KCNA3: variants seen among roughly 807,000 people sequenced by gnomAD.
KCNA3 encodes the protein potassium voltage-gated channel subfamily A member 3.
A neutral mutation model predicts 34.3 loss-of-function variants in KCNA3; 18 were observed. That is an observed-to-expected ratio of 0.52 (90% CI 0.36 to 0.78). KCNA3 has a LOEUF of 0.78. Ranked by LOEUF, KCNA3 falls within the 30% of genes least tolerant of loss-of-function variation. The pLI is 0.00. For synonymous variants in KCNA3, 324 were observed against 351.7 expected, an observed-to-expected ratio of 0.92 and a Z score of 0.88; for missense variants, 587 against 802.5, an observed-to-expected ratio of 0.73 and a Z score of 3.24.
the KCNA3 span, among the ~76,000 whole-genome samples, chr1:110,661,897 A>T: frequency 6.6e-6 from 1 of 152,092 alleles, no homozygotes; most frequent in African/African-American, 2.4e-5. Context: ...TCACGAGGTC[A>T]GGAGATCGAG....
downstream of KCNA3, among the ~76,000 whole-genome samples, chr1:110,667,692 G>T (rs1410284234): frequency 6.6e-6 from 1 of 151,848 alleles, no homozygotes; most frequent in Non-Finnish European, 1.5e-5. Flanking sequence ...TAAAACAGAA[G>T]AAAACACACA....
At chr1:110,665,716 AAATAAGATT>A in the KCNA3 span, among the ~76,000 whole-genome samples, 7 of 152,214 alleles carry the variant, frequency 4.6e-5, no homozygotes, top group Non-Finnish European at 1.0e-4. Flanking sequence ...AAGAACCAGT[AAATAAGATT>A]AAGAAGGAGA....
rs767302571 is a variant in KCNA3 at position 110,674,339 on chromosome 1, G to T, written c.471C>A (p.Asp157Glu). 1 of 1,614,196 alleles carries T rather than the reference G, an allele frequency of 6.2e-7. No individual in the cohort carries two copies. The highest frequency in any genetic ancestry group is 8.5e-7 in the Non-Finnish European group (1 of 1,180,016). Residue 157 changes from aspartate (D) to glutamate (E), a missense_variant, in exon 1 of 1, where the codon GAC becomes GAA. Physicochemically the swap from Asp to Glu is conservative, Grantham distance 45 (BLOSUM62 2). Transcript: ENST00000369769. This position sits in a 1 kb window ranked among gnomAD's most constrained non-coding sequence, Gnocchi z 6.4. ...YFFDRNRPSF[D>E]AILYYYQSGG... The stretch of plus-strand genomic sequence containing the variant: ...CGGACTGATAGTAGTAGAGGATGGC[G>T]TCGAAGCTGGGCCGGTTGCGGTCGA...
At chr1:110,664,739 T>C in the KCNA3 span, among the ~76,000 whole-genome samples, 1 of 151,910 alleles carries the variant, frequency 6.6e-6, no homozygotes, top group African/African-American at 2.4e-5. Flanking sequence ...ATGGAAAACA[T>C]ACAATAAACA....
chr1:110,673,580 G>A lies in KCNA3; in HGVS notation c.1230C>T (p.Ile410=). 6.2e-7 allele frequency: 1 copy of A among 1,614,206 alleles called. No homozygotes were observed. Among genetic ancestry groups the A allele is most frequent in the Admixed American group, 1.7e-5 (1 of 60,018 alleles). ...LLIFFLFIGV[I]LFSSAVYFAE... ...CAAAGTAGACCGCGCTGGAGAAAAGGATGACCCCAATAAAGAGGAAGAAGA... is the reference window on the plus strand; with the variant it reads ...CAAAGTAGACCGCGCTGGAGAAAAGAATGACCCCAATAAAGAGGAAGAAGA... The change falls in exon 1 of 1, where the codon ATC becomes ATT. Residue 410 remains isoleucine, a synonymous_variant. Coordinates refer to ENST00000369769, the MANE Select transcript of KCNA3 (RefSeq NM_002232.5). The surrounding 1 kb of genome is among the most constrained non-coding windows in gnomAD (Gnocchi z 8.8).
At chr1:110,654,816 G>A in the KCNA3 span, 1 of 152,102 alleles carries the variant, frequency 6.6e-6, no homozygotes, top group Non-Finnish European at 1.5e-5. Context: ...GAACATAGGA[G>A]GTTTAGAGCC....
At chr1:110,668,480 A>G (rs962410038), downstream of KCNA3, among the ~76,000 whole-genome samples, 1 of 152,188 alleles carries the variant, frequency 6.6e-6, no homozygotes, top group East Asian at 1.9e-4. Context: ...TGAGTATATT[A>G]TACGCCAAAA....
At chr1:110,666,458 A>G in the KCNA3 span, among the ~76,000 whole-genome samples, 13 of 152,294 alleles carry the variant, frequency 8.5e-5, no homozygotes, top group East Asian at 2.1e-3. Flanking sequence ...GGAGCACAAA[A>G]GAAGGAAGGG....
the KCNA3 span, among the ~76,000 whole-genome samples, chr1:110,661,169 CA>C: frequency 6.6e-6 from 1 of 152,160 alleles, no homozygotes; most frequent in African/African-American, 2.4e-5. Context: ...CTGGTTTTAG[CA>C]GGCGCCCAAA....
At chr1:110,667,785 C>T (rs764307106), downstream of KCNA3, among the ~76,000 whole-genome samples, 1 of 152,082 alleles carries the variant, frequency 6.6e-6, no homozygotes, top group African/African-American at 2.4e-5. Context: ...AATTAGCTCA[C>T]GACATCATTA....
chr1:110,674,742 GGAGGGTGGGC>G lies in KCNA3; in HGVS notation c.58_67del (p.Ala20LeufsTer14). ...ACCGCCGCTGCTCGCTGGGCGCTGA[GGAGGGTGGGC>G]GCGGTGGCGGGCTGAGGGCGGCGGC... On this transcript the variant is annotated frameshift_variant, in exon 1 of 1. Coordinates refer to ENST00000369769, the MANE Select transcript of KCNA3 (RefSeq NM_002232.5). LOFTEE classifies it high-confidence loss of function. This position sits in a 1 kb window ranked among gnomAD's most constrained non-coding sequence, Gnocchi z 6.4. 1 of 1,412,638 alleles carries G rather than the reference GGAGGGTGGGC, an allele frequency of 7.1e-7. No homozygotes were observed. The highest frequency in any genetic ancestry group is 9.2e-7 in the Non-Finnish European group (1 of 1,091,064). The allele number at this position is 1,412,638 out of a possible 1,614,324, so 87.5% of individuals were successfully genotyped here.
At chr1:110,656,613 A>G in the KCNA3 span, 2 of 152,246 alleles carry the variant, frequency 1.3e-5, no homozygotes, top group South Asian at 2.1e-4. Flanking sequence ...CCAGCACCAC[A>G]GCACAGACAC....
chr1:110,669,526 T>C (rs147921174), downstream of KCNA3, among the ~76,000 whole-genome samples: 43 of 152,316 alleles, frequency 2.8e-4, no homozygotes, highest in African/African-American at 8.9e-4. Flanking sequence ...TGAAATGAAA[T>C]AGGTTTCTGG....
At position 110,674,901 on chromosome 1, in the gene KCNA3, C is replaced by T; in HGVS notation, c.-92G>A. 1 of 1,265,872 alleles carries T rather than the reference C, an allele frequency of 7.9e-7. No homozygotes were observed. The allele number at this position is 1,265,872 out of a possible 1,614,324, so 78.4% of individuals were successfully genotyped here. On this transcript the variant is annotated 5_prime_UTR_variant, in exon 1 of 1. Transcript: ENST00000369769. This position sits in a 1 kb window ranked among gnomAD's most constrained non-coding sequence, Gnocchi z 6.4. The stretch of plus-strand genomic sequence containing the variant: ...GCCTCCGCCCCCGAGCCGAGCCCAC[C>T]GCCTGTTGCAGCCAAAGCCGCGATG...
chr1:110,669,458 G>C (rs1268427459), downstream of KCNA3, among the ~76,000 whole-genome samples: 3 of 152,080 alleles, frequency 2.0e-5, no homozygotes, highest in African/African-American at 7.2e-5. Context: ...ACTTATATTT[G>C]ATGCTTATAT....
the KCNA3 span, among the ~76,000 whole-genome samples, chr1:110,660,391 T>A: frequency 6.6e-6 from 1 of 152,180 alleles, no homozygotes; most frequent in African/African-American, 2.4e-5. Flanking sequence ...ATGTATGTGT[T>A]AATTTTCTCA....
At chr1:110,653,637 A>C in the KCNA3 span, 2 of 152,220 alleles carry the variant, frequency 1.3e-5, no homozygotes, top group African/African-American at 4.8e-5. Flanking sequence ...AAATTTAAAA[A>C]ATCAATCAGA....
chr1:110,658,928 T>C, the KCNA3 span, among the ~76,000 whole-genome samples: 2 of 152,138 alleles, frequency 1.3e-5, no homozygotes, highest in East Asian at 3.8e-4. Context: ...AATTTGCAAA[T>C]TTATCATTTT....
At chr1:110,664,416 T>C in the KCNA3 span, among the ~76,000 whole-genome samples, 1 of 152,324 alleles carries the variant, frequency 6.6e-6, no homozygotes, top group Non-Finnish European at 1.5e-5. Context: ...TGGTGTAATA[T>C]TTCTTGTGGA....
Sources: gnomAD v4.1 joint callset for allele counts (sites outside exome capture counted in the v4.1 genomes callset) on GRCh38, gnomAD v4.1.1 for gene constraint, Gnocchi (gnomAD v3.1) non-coding constraint, MANE v1.5 for transcripts, NCBI Gene and HGNC (gene_info 2026-07-23, HGNC 2026-07-21) for gene names.